The following DISC1 variants were observed in gnomAD, a reference collection of about 807,000 sequenced individuals.
DISC1 encodes the protein DISC1 scaffold protein.
In DISC1, 57 loss-of-function variants were observed where a neutral mutation model predicts 84.5. The observed-to-expected ratio is 0.67, with a 90% CI of 0.55 to 0.84. The LOEUF is 0.84. Among genes scored for constraint, DISC1 ranks in the 40% least tolerant of loss-of-function variants. The pLI is 0.00. For missense variants in DISC1, 1,000 were observed against 1,057.8 expected, an observed-to-expected ratio of 0.95 and a Z score of 0.76; for synonymous variants, 411 against 415.2, an observed-to-expected ratio of 0.99 and a Z score of 0.12.
At chr1:231,697,131 T>A (rs1489921258) in intron 2 of DISC1, among the ~76,000 whole-genome samples, 1 of 152,188 alleles carries the variant, frequency 6.6e-6, no homozygotes. Context: ...GGCCCCAGAC[T>A]GCTCACTGGG....
At chr1:231,834,058 G>C (rs1015429616) in intron 9 of DISC1, among the ~76,000 whole-genome samples, 2 of 152,134 alleles carry the variant, frequency 1.3e-5, no homozygotes, top group African/African-American at 4.8e-5. Context: ...TGCTGAAAAA[G>C]AGCCTAAACA....
intron 3 of DISC1, among the ~76,000 whole-genome samples, chr1:231,712,843 G>T (rs984979109): frequency 6.6e-6 from 1 of 152,206 alleles, no homozygotes; most frequent in Non-Finnish European, 1.5e-5. Context: ...AAAGATTACT[G>T]GTTGAGGTGT....
chr1:231,970,749 T>G lies in DISC1; in HGVS notation c.2042+11861T>G, dbSNP rs189323374. Among the ~76,000 whole-genome samples the G allele has an allele frequency of 7.9e-5, 12 of 152,322 alleles. No individual in the cohort carries two copies. In the East Asian group the frequency reaches 2.3e-3, roughly 29 times the overall value. ...CAGGTTCCACTGTGGTTTGCGCAAT[T>G]CAACCCAAAGTTTCTCTGCTGTAAA... On this transcript the variant is annotated intron_variant, in intron 10 of 12. Transcript: ENST00000439617.
Position 231,767,185 on chromosome 1 carries a change from G to T in DISC1, c.1314G>T (p.Arg438Ser). The change falls in exon 5 of 13, where the codon AGG becomes AGT. Residue 438 changes from arginine (R) to serine (S), a missense_variant. Physicochemically the swap from Arg to Ser is moderately radical, Grantham distance 110 (BLOSUM62 -1). Around this residue, in one of 3 missense-constraint regions of DISC1, gnomAD observed 311 missense variants for 400.1 expected, o/e 0.78. Coordinates refer to ENST00000439617, the MANE Select transcript of DISC1 (RefSeq NM_018662.3). ...DTHTPLRMEP[R>S]LLEPTAQDSL... ...ACACCCCACTGAGAATGGAGCCGAG[G>T]CTGTTGGAACCCACTGCTCAGGACA... 1 of 1,614,240 alleles carries T rather than the reference G, an allele frequency of 6.2e-7. No individual in the cohort carries two copies. Among genetic ancestry groups the T allele is most frequent in the Non-Finnish European group, 8.5e-7 (1 of 1,180,042 alleles).
At chr1:231,975,118 A>G (rs938655046) in intron 10 of DISC1, among the ~76,000 whole-genome samples, 3 of 150,824 alleles carry the variant, frequency 2.0e-5, no homozygotes, top group Non-Finnish European at 4.4e-5. Flanking sequence ...CAAAACAACA[A>G]TAACAACAAC....
intron 5 of DISC1, among the ~76,000 whole-genome samples, chr1:231,767,896 G>C (rs1001404008): frequency 2.0e-5 from 3 of 152,194 alleles, no homozygotes; most frequent in South Asian, 4.1e-4. Context: ...AAAGACATCT[G>C]TGCTGTGAAA....
At chr1:231,726,720 TA>T (rs2070768105) in intron 3 of DISC1, among the ~76,000 whole-genome samples, 1 of 152,230 alleles carries the variant, frequency 6.6e-6, no homozygotes, top group Non-Finnish European at 1.5e-5. Context: ...GGCAGTTTTA[TA>T]AGTGGCCACA....
chr1:231,749,517 G>A (rs940732294), intron 3 of DISC1, among the ~76,000 whole-genome samples: 3 of 152,118 alleles, frequency 2.0e-5, no homozygotes, highest in Admixed American at 2.0e-4. Context: ...TGCAATTTCT[G>A]AGGAAATGTT....
Position 231,873,837 on chromosome 1 carries a change from C to T in DISC1, c.1981+55320C>T, listed in dbSNP as rs573948029. Among the ~76,000 whole-genome samples, 3 of 110,890 alleles carry T rather than the reference C, an allele frequency of 2.7e-5. No individual in the cohort carries two copies. In the East Asian group the frequency reaches 9.2e-4, roughly 34 times the overall value. The allele number at this position is 110,890 out of a possible 152,430, so 72.7% of individuals were successfully genotyped here. A position where few individuals can be genotyped will look rare whatever the true frequency, so the allele number is the denominator to read the frequency against. ...TATGACTTCTATCATTGGAAGAGGG[C>T]ATCTTAAATAATTTTTTTTTTTGAG... is the stretch of plus-strand genomic sequence containing the variant. On this transcript the variant is annotated intron_variant, in intron 9 of 12. Coordinates refer to ENST00000439617, the MANE Select transcript of DISC1 (RefSeq NM_018662.3).
At chr1:231,674,321 G>A (rs1373096381) in intron 1 of DISC1, among the ~76,000 whole-genome samples, 1 of 151,670 alleles carries the variant, frequency 6.6e-6, no homozygotes, top group Non-Finnish European at 1.5e-5. Flanking sequence ...TTGAAGCTTT[G>A]TAATTTTGGG....
rs1670679163 is a variant in DISC1, at chr1:232,039,160, A to G, written c.*2329A>G. ...TAATTGTGTCTAAAGAAAATTATGA[A>G]CTGGTCACATGGCACTTGGAATCCT... On this transcript the variant is annotated 3_prime_UTR_variant, in exon 13 of 13. Transcript: ENST00000439617. The G allele has an allele frequency of 6.6e-6, 1 of 152,242 alleles. No homozygotes were observed. The highest frequency in any genetic ancestry group is 2.4e-5 in the African/African-American group (1 of 41,474). 9.4% of individuals were successfully genotyped at this position (152,242 alleles called of 1,614,324 possible).
At chr1:231,720,930 T>G in intron 3 of DISC1, 1 of 1,290,976 alleles carries the variant, frequency 7.7e-7, no homozygotes, top group Non-Finnish European at 1.0e-6. Context: ...CACAGGTAAT[T>G]TACTTTACCT....
In DISC1 at chr1:232,037,637, G is replaced by A. The variant is rs1026081939; in HGVS notation, c.*806G>A. The stretch of plus-strand genomic sequence containing the variant: ...TCAATGCCAGGCAGTGCAGCATTTA[G>A]GAAAGCAGTGCAGTACTCAGTAAGG... On this transcript the variant is annotated 3_prime_UTR_variant, in exon 13 of 13. Coordinates refer to ENST00000439617, the MANE Select transcript of DISC1 (RefSeq NM_018662.3). 1 of 152,286 alleles carries A rather than the reference G, an allele frequency of 6.6e-6. No individual in the cohort carries two copies. The highest frequency in any genetic ancestry group is 2.4e-5 in the African/African-American group (1 of 41,452). The allele number at this position is 152,286 out of a possible 1,614,324, so 9.4% of individuals were successfully genotyped here. A position where few individuals can be genotyped will look rare whatever the true frequency, so the allele number is the denominator to read the frequency against.
rs748961696 is a variant in DISC1, at chr1:232,008,793, G to A, written c.2051G>A (p.Cys684Tyr). The change falls in exon 11 of 13, where the codon TGT becomes TAT. Residue 684 changes from cysteine (C) to tyrosine (Y), a missense_variant. Cys to Tyr is a radical substitution (Grantham distance 194, BLOSUM62 -2). Around this residue, in one of 3 missense-constraint regions of DISC1, gnomAD observed 397 missense variants for 377.5 expected, o/e 1.05. Transcript: ENST00000439617. The stretch of plus-strand genomic sequence containing the variant: ...TTTCCTCTCTGTCTCAGCTGCAAGT[G>A]TCCACTGCTTGGGAAAGTGTGGGAA... ...TLKNKLCSCKCPLLGKVWEAD... is the reference protein window; with the variant it reads ...TLKNKLCSCKYPLLGKVWEAD... 1 of 1,565,496 alleles carries A rather than the reference G, an allele frequency of 6.4e-7. No homozygotes were observed. Among genetic ancestry groups the A allele is most frequent in the Non-Finnish European group, 8.7e-7 (1 of 1,155,746 alleles).
intron 4 of DISC1, among the ~76,000 whole-genome samples, chr1:231,755,512 A>G (rs780989396): frequency 2.6e-5 from 4 of 151,214 alleles, no homozygotes; most frequent in African/African-American, 4.9e-5. Flanking sequence ...CAGAATTCCA[A>G]TCCACAATTC....
chr1:231,914,494 C>A (rs1205409250), intron 9 of DISC1, among the ~76,000 whole-genome samples: 2 of 152,196 alleles, frequency 1.3e-5, no homozygotes, highest in Admixed American at 6.5e-5. Context: ...ACCGGTCACA[C>A]CATGTGGGAA....
intron 9 of DISC1, among the ~76,000 whole-genome samples, chr1:231,839,629 G>A (rs1219505218): frequency 1.3e-5 from 2 of 152,114 alleles, no homozygotes; most frequent in South Asian, 2.1e-4. Context: ...TTGTATTACA[G>A]TTGTGTTAGT....
chr1:231,966,329 T>C (rs1452290686), intron 10 of DISC1, among the ~76,000 whole-genome samples: 1 of 152,164 alleles, frequency 6.6e-6, no homozygotes, highest in Non-Finnish European at 1.5e-5. Flanking sequence ...CAGAGGTGAG[T>C]AGTTAAGTGT....
chr1:232,029,581 G>A (rs894391200), intron 12 of DISC1, among the ~76,000 whole-genome samples: 2 of 152,240 alleles, frequency 1.3e-5, no homozygotes, highest in African/African-American at 2.4e-5. Context: ...TGCACAGTGA[G>A]TGCAGTGTTT....
Sources: allele counts gnomAD v4.1 joint callset (sites outside exome capture counted in the v4.1 genomes callset), GRCh38; gene constraint gnomAD v4.1.1; regional missense constraint gnomAD v4.1.1; transcripts MANE v1.5; gene names NCBI Gene and HGNC (gene_info 2026-07-23, HGNC 2026-07-21).